Variants in GLIS3 observed in about 807,000 individuals in gnomAD.
GLIS3 encodes zinc finger protein GLIS3.
A neutral mutation model predicts 78.6 loss-of-function variants in GLIS3; 53 were observed. That is an observed-to-expected ratio of 0.67 (90% CI 0.54 to 0.85). GLIS3 has a LOEUF of 0.85. Ranked by LOEUF, GLIS3 falls within the 40% of genes least tolerant of loss-of-function variation. GLIS3 has a pLI of 0.00. For synonymous variants in GLIS3, 684 were observed against 509.9 expected (o/e 1.34, Z -4.60); for missense variants, 1,703 against 1,231.1 (o/e 1.38, Z -5.74).
intron 4 of GLIS3, among the ~76,000 whole-genome samples, chr9:3,943,080 C>A (rs563761244): frequency 7.9e-5 from 12 of 152,082 alleles, no homozygotes; most frequent in Non-Finnish European, 1.8e-4. Context: ...ACACTGGGGT[C>A]ATCTGATTTT....
At chr9:4,015,624 AC>A (rs916047787) in intron 4 of GLIS3, among the ~76,000 whole-genome samples, 4 of 152,176 alleles carry the variant, frequency 2.6e-5, no homozygotes, top group Non-Finnish European at 4.4e-5. Flanking sequence ...GTGGTGGCTC[AC>A]GCCCGTAATC....
At chr9:4,016,359 T>C (rs1588459071) in intron 4 of GLIS3, among the ~76,000 whole-genome samples, 1 of 152,234 alleles carries the variant, frequency 6.6e-6, no homozygotes, top group Non-Finnish European at 1.5e-5. Context: ...CCAAGCTGTC[T>C]TATTTTCTTT....
chr9:4,358,682 T>C, the GLIS3 span, among the ~76,000 whole-genome samples: 7 of 152,196 alleles, frequency 4.6e-5, no homozygotes, highest in African/African-American at 1.7e-4. Flanking sequence ...CAGTAGTCTT[T>C]CTACAGATGC....
intron 4 of GLIS3, among the ~76,000 whole-genome samples, chr9:4,073,834 G>C (rs954288724): frequency 2.0e-5 from 3 of 152,156 alleles, no homozygotes; most frequent in African/African-American, 7.2e-5. Context: ...ACGCATGAAA[G>C]TGTATATAGA....
chr9:4,057,017 C>T (rs953303262), intron 4 of GLIS3, among the ~76,000 whole-genome samples: 13 of 150,030 alleles, frequency 8.7e-5, no homozygotes, highest in African/African-American at 3.2e-4. Context: ...GCATTATCTG[C>T]ATGGCCTTAC....
the GLIS3 span, among the ~76,000 whole-genome samples, chr9:4,484,501 C>T: frequency 1.2e-4 from 17 of 141,184 alleles, no homozygotes; most frequent in Non-Finnish European, 1.2e-4. Context: ...TCACCTTAAC[C>T]TCTGCCTCTC....
At chr9:4,294,213 A>G (rs1284711983) in intron 1 of GLIS3, among the ~76,000 whole-genome samples, 2 of 152,214 alleles carry the variant, frequency 1.3e-5, no homozygotes, top group East Asian at 3.8e-4. Context: ...AGTTCATAAT[A>G]TTACAGAATA....
chr9:4,325,460 G>A (rs934424113), intron 2 of GLIS3, among the ~76,000 whole-genome samples: 1 of 152,148 alleles, frequency 6.6e-6, no homozygotes, highest in African/African-American at 2.4e-5. Flanking sequence ...GACTTTCAGA[G>A]CCCACTGAAA....
chr9:3,845,429 A>T (rs1393347717), intron 9 of GLIS3, among the ~76,000 whole-genome samples: 2 of 152,204 alleles, frequency 1.3e-5, no homozygotes, highest in East Asian at 1.9e-4. Flanking sequence ...AATACTTGCC[A>T]ATCTTTTAAT....
intron 4 of GLIS3, among the ~76,000 whole-genome samples, chr9:4,110,963 C>T (rs1162557578): frequency 1.3e-5 from 2 of 152,180 alleles, no homozygotes; most frequent in African/African-American, 4.8e-5. Flanking sequence ...AAAATGACAA[C>T]ACGACCACTC....
At chr9:4,341,800 T>C (rs1033020630) in intron 2 of GLIS3, among the ~76,000 whole-genome samples, 3 of 152,186 alleles carry the variant, frequency 2.0e-5, no homozygotes, top group Non-Finnish European at 4.4e-5. Context: ...AAATGGGATC[T>C]CCGCTTTTTT....
chr9:4,467,226 G>C, the GLIS3 span, among the ~76,000 whole-genome samples: 2 of 152,154 alleles, frequency 1.3e-5, no homozygotes, highest in African/African-American at 4.8e-5. Flanking sequence ...CTGAACAAAA[G>C]GTAGCAAAAA....
At chr9:4,315,631 A>G (rs1228449153) in intron 2 of GLIS3, among the ~76,000 whole-genome samples, 2 of 152,174 alleles carry the variant, frequency 1.3e-5, no homozygotes, top group East Asian at 1.9e-4. Context: ...AGAACACCTC[A>G]CTTTGTGTGG....
At chr9:3,937,908 T>C (rs954486884) in intron 4 of GLIS3, among the ~76,000 whole-genome samples, 3 of 152,208 alleles carry the variant, frequency 2.0e-5, no homozygotes, top group Non-Finnish European at 4.4e-5. Context: ...CATTTCATTA[T>C]CTAATTCATG....
chr9:4,455,256 T>G, the GLIS3 span, among the ~76,000 whole-genome samples: 2 of 152,220 alleles, frequency 1.3e-5, no homozygotes, highest in Non-Finnish European at 2.9e-5. Flanking sequence ...AGCATGAGAT[T>G]GCCTTCCATC....
rs553469725 is a variant in GLIS3, at chr9:4,218,371, C to T, written c.388+67667G>A. On this transcript the variant is annotated intron_variant, in intron 2 of 10. Transcript: ENST00000381971. ...TCGGCTCACTGCAAGCTCTGCCTCCCGGGTTCACGCCATTCTCCTGCCTCA... is the reference window on the plus strand; with the variant it reads ...TCGGCTCACTGCAAGCTCTGCCTCCTGGGTTCACGCCATTCTCCTGCCTCA... Among the ~76,000 whole-genome samples the T allele has an allele frequency of 1.9e-4, 29 of 152,240 alleles. 1 individual carries two copies. In the South Asian group the frequency reaches 4.1e-3, roughly 22 times the overall value.
intron 2 of GLIS3, among the ~76,000 whole-genome samples, chr9:4,316,376 C>A (rs1817436945): frequency 6.6e-6 from 1 of 152,146 alleles, no homozygotes; most frequent in Non-Finnish European, 1.5e-5. Flanking sequence ...GACTTTATTG[C>A]AAGTCAACAG....
rs541881726 is a variant in GLIS3 at position 3,859,944 on chromosome 9, AGAAAG to A, written c.2298-3765_2298-3761del. On this transcript the variant is annotated intron_variant, in intron 8 of 10. Coordinates refer to ENST00000381971, the MANE Select transcript of GLIS3 (RefSeq NM_001042413.2). Reference sequence around the variant, plus strand: ...GAGCAATGGCATGCAAAAGAAAAAAAGAAAGGGAAGGGGAACAGATTTTAAAACCT... The same window carrying A: ...GAGCAATGGCATGCAAAAGAAAAAAAGGAAGGGGAACAGATTTTAAAACCT... Among the ~76,000 whole-genome samples, 164 of 152,302 alleles carry A rather than the reference AGAAAG, an allele frequency of 1.1e-3. 1 individual carries two copies. The highest frequency in any genetic ancestry group is 3.8e-3 in the African/African-American group (159 of 41,566).
At chr9:4,193,641 C>G (rs991769448) in intron 2 of GLIS3, among the ~76,000 whole-genome samples, 2 of 152,188 alleles carry the variant, frequency 1.3e-5, no homozygotes, top group East Asian at 1.9e-4. Context: ...GAGGTGATGT[C>G]AGAGATAATT....
Sources: allele counts gnomAD v4.1 joint callset (sites outside exome capture counted in the v4.1 genomes callset), GRCh38; gene constraint gnomAD v4.1.1; transcripts MANE v1.5; gene names NCBI Gene and HGNC (gene_info 2026-07-23, HGNC 2026-07-21).